Variants in TSNARE1 observed in about 807,000 individuals in gnomAD.
TSNARE1 encodes t-SNARE domain-containing protein 1.
In TSNARE1, 49 loss-of-function variants were observed where a neutral mutation model predicts 62.0. That is an observed-to-expected ratio of 0.79 (90% confidence interval 0.63 to 1.00). The LOEUF is 1.00. TSNARE1 is among the 50% of genes least tolerant of loss of function. The pLI is 0.00. For missense variants in TSNARE1, 755 were observed against 700.1 expected (o/e 1.08, Z -0.88); for synonymous variants, 328 against 294.4 (o/e 1.11, Z -1.17).
At chr8:142,257,058 C>A (rs1200002036) in intron 12 of TSNARE1, among the ~76,000 whole-genome samples, 1 of 152,206 alleles carries the variant, frequency 6.6e-6, no homozygotes, top group African/African-American at 2.4e-5. Flanking sequence ...TGAAAGGGAC[C>A]TTCCCACGCA....
In TSNARE1 at chr8:142,350,366, G is replaced by C. The variant is rs193159821; in HGVS notation, c.88+4271C>G. ...AGTTGAACATTTAGATAAAACAGTC[G>C]AATTTCCAGAAAAATGCAACTTAAC... On this transcript the variant is annotated intron_variant, in intron 2 of 13. Transcript: ENST00000524325. Among the ~76,000 whole-genome samples the C allele has an allele frequency of 5.3e-5, 8 of 152,322 alleles. No homozygotes were observed. In the South Asian group the frequency reaches 1.0e-3, roughly 20 times the overall value.
At chr8:142,233,685 C>A (rs1276325922) in intron 12 of TSNARE1, among the ~76,000 whole-genome samples, 1 of 152,340 alleles carries the variant, frequency 6.6e-6, no homozygotes, top group Middle Eastern at 3.4e-3. Flanking sequence ...CTGCCTCTTG[C>A]CCCCAGCGGG....
intron 1 of TSNARE1, among the ~76,000 whole-genome samples, chr8:142,366,802 A>T (rs560213731): frequency 1.1e-4 from 17 of 152,322 alleles, no homozygotes; most frequent in African/African-American, 4.1e-4. Context: ...AATCAACAAG[A>T]CATTAAAAAC....
At chr8:142,372,407 G>A (rs75972019) in intron 1 of TSNARE1, among the ~76,000 whole-genome samples, 4,277 of 152,274 alleles carry the variant, frequency 0.028, 69 homozygotes, top group East Asian at 0.069. Flanking sequence ...GCTGGGACAC[G>A]GAGTACAACC....
At chr8:142,347,544 G>A (rs551406708) in intron 2 of TSNARE1, among the ~76,000 whole-genome samples, 1 of 152,318 alleles carries the variant, frequency 6.6e-6, no homozygotes, top group East Asian at 1.9e-4. Context: ...GCCTGTGAGG[G>A]GATCCAGGCA....
intron 1 of TSNARE1, among the ~76,000 whole-genome samples, chr8:142,393,203 G>A (rs556757232): frequency 6.6e-5 from 10 of 152,316 alleles, no homozygotes; most frequent in South Asian, 6.2e-4. Context: ...AGAACCATCC[G>A]GGGAACGATG....
At chr8:142,284,311 T>C (rs1822313486) in intron 11 of TSNARE1, 102 bp downstream of exon 11, 1 of 901,554 alleles carries the variant, frequency 1.1e-6, no homozygotes, top group Non-Finnish European at 1.8e-6. Flanking sequence ...TGGCTCCTCT[T>C]AGAGGCCCCT....
chr8:142,380,753 A>G (rs1228352930), intron 1 of TSNARE1, among the ~76,000 whole-genome samples: 2 of 152,194 alleles, frequency 1.3e-5, no homozygotes, highest in African/African-American at 4.8e-5. Flanking sequence ...ACGCTCCAGG[A>G]AAGTCTGAGT....
At chr8:142,220,864 G>A (rs760448496) in intron 13 of TSNARE1, among the ~76,000 whole-genome samples, 23 of 152,238 alleles carry the variant, frequency 1.5e-4, no homozygotes, top group Non-Finnish European at 3.2e-4. Flanking sequence ...CTCCTGGCCA[G>A]CAGTTTCCCT....
chr8:142,330,533 C>A (rs1332527149), intron 6 of TSNARE1, among the ~76,000 whole-genome samples: 1 of 152,236 alleles, frequency 6.6e-6, no homozygotes, highest in Non-Finnish European at 1.5e-5. Flanking sequence ...CTGAGCAGGC[C>A]CCAACAGGGA....
intron 2 of TSNARE1, among the ~76,000 whole-genome samples, chr8:142,349,815 C>T (rs1234565421): frequency 6.6e-6 from 1 of 152,204 alleles, no homozygotes; most frequent in African/African-American, 2.4e-5. Flanking sequence ...CCTTCCCAAC[C>T]CTGAGTTCAC....
Position 142,352,116 on chromosome 8 carries a change from C to T in TSNARE1, c.88+2521G>A, listed in dbSNP as rs112321581. On this transcript the variant is annotated intron_variant, in intron 2 of 13. Transcript: ENST00000524325. Reference sequence around the variant, plus strand: ...CCCAGCAGGCCTCCCAGTGAGAAGCCGGCCCGGCCTGGATTGGGCTGTGTA... The same window carrying T: ...CCCAGCAGGCCTCCCAGTGAGAAGCTGGCCCGGCCTGGATTGGGCTGTGTA... Among the ~76,000 whole-genome samples, 549 of 152,348 alleles carry T rather than the reference C, an allele frequency of 3.6e-3. 5 individuals are homozygous for T. The highest frequency in any genetic ancestry group is 0.013 in the African/African-American group (533 of 41,584).
chr8:142,327,963 C>T (rs1405468920), intron 6 of TSNARE1, among the ~76,000 whole-genome samples: 1 of 152,094 alleles, frequency 6.6e-6, no homozygotes, highest in Middle Eastern at 3.2e-3. Context: ...ACCCAACCTA[C>T]ACCCTCACCA....
intron 13 of TSNARE1, among the ~76,000 whole-genome samples, chr8:142,212,524 G>A (rs79028082): frequency 0.01 from 1,548 of 151,996 alleles, 59 homozygotes; most frequent in East Asian, 0.078. Context: ...CGCAGGCCTC[G>A]GTCACCCATC....
chr8:142,234,453 C>T (rs1421863432), intron 12 of TSNARE1, among the ~76,000 whole-genome samples: 4 of 151,662 alleles, frequency 2.6e-5, no homozygotes, highest in Non-Finnish European at 5.9e-5. Context: ...TCCAGGATGG[C>T]GCCATGACCC....
intron 10 of TSNARE1, among the ~76,000 whole-genome samples, chr8:142,292,670 G>C (rs780947799): frequency 6.6e-6 from 1 of 152,104 alleles, no homozygotes; most frequent in Non-Finnish European, 1.5e-5. Flanking sequence ...GTGAGGACAG[G>C]GAAGGAGAGC....
intron 9 of TSNARE1, among the ~76,000 whole-genome samples, chr8:142,304,462 C>T (rs1051875749): frequency 6.6e-6 from 1 of 152,234 alleles, no homozygotes; most frequent in Non-Finnish European, 1.5e-5. Context: ...GTGGTCTATG[C>T]CCCTCAAGCT....
chr8:142,282,784 G>A (rs1306674669), intron 11 of TSNARE1, among the ~76,000 whole-genome samples: 5 of 146,660 alleles, frequency 3.4e-5, no homozygotes, highest in Non-Finnish European at 6.0e-5. Context: ...GAGCAGAGGC[G>A]GGGTCAGTGT....
chr8:142,223,954 T>TG (rs55696094), intron 13 of TSNARE1, among the ~76,000 whole-genome samples: 136,046 of 151,970 alleles, frequency 0.9, 60,973 homozygotes, highest in Non-Finnish European at 0.92. Context: ...GGGGAGGGCT[T>TG]TCTGCCAAGG....
Sources: allele counts gnomAD v4.1 joint callset (sites outside exome capture counted in the v4.1 genomes callset), GRCh38; gene constraint gnomAD v4.1.1; transcripts MANE v1.5; gene names NCBI Gene and HGNC (gene_info 2026-07-23, HGNC 2026-07-21).